UNC5C: variants seen among roughly 807,000 people sequenced by gnomAD.
UNC5C encodes unc-5 netrin receptor C, also known as netrin receptor UNC5C.
UNC5C carries 47 observed loss-of-function variants against 99.8 expected under a neutral mutation model. The observed-to-expected ratio is 0.47, with a 90% CI of 0.37 to 0.60. The LOEUF (loss-of-function observed/expected upper bound fraction) is 0.60. Among genes scored for constraint, UNC5C ranks in the 20% least tolerant of loss-of-function variants. The pLI is 0.00. For synonymous variants in UNC5C, 487 were observed against 452.2 expected (o/e 1.08, Z -0.98); for missense variants, 1,062 against 1,165.9 (o/e 0.91, Z 1.30).
At chr4:95,208,054 T>G (rs1398313453) in intron 10 of UNC5C, among the ~76,000 whole-genome samples, 1 of 152,152 alleles carries the variant, frequency 6.6e-6, no homozygotes, top group Admixed American at 6.5e-5. Context: ...TCTCCTCGGG[T>G]TTCTATCTTC....
At chr4:95,180,002 C>G (rs193226941) in intron 14 of UNC5C, among the ~76,000 whole-genome samples, 1 of 112,594 alleles carries the variant, frequency 8.9e-6, no homozygotes, top group Non-Finnish European at 2.1e-5. Context: ...CAATTGATGA[C>G]AGACCCCCCC....
At chr4:95,221,717 G>A (rs758726205) in intron 7 of UNC5C, among the ~76,000 whole-genome samples, 32 of 152,070 alleles carry the variant, frequency 2.1e-4, no homozygotes, top group Non-Finnish European at 4.0e-4. Flanking sequence ...ACAAATACTC[G>A]TGATTGGGTG....
rs944010977 is a variant in UNC5C at position 95,181,938 on chromosome 4, CAT to C, written c.2451+957_2451+958del. Among the ~76,000 whole-genome samples, 13 of 152,318 alleles carry C rather than the reference CAT, an allele frequency of 8.5e-5. No individual in the cohort carries two copies. The Middle Eastern group carries it at 0.01, about 120-fold the overall frequency. ...ACGAGGGAGAGGTAGTATTTTAAAT[CAT>C]ATACTGGCCCGCTGTCATTTTCACA... On this transcript the variant is annotated intron_variant, in intron 14 of 15. Coordinates refer to ENST00000453304, the MANE Select transcript of UNC5C (RefSeq NM_003728.4).
intron 7 of UNC5C, among the ~76,000 whole-genome samples, chr4:95,232,217 T>A (rs1197547788): frequency 6.6e-6 from 1 of 150,724 alleles, no homozygotes; most frequent in Non-Finnish European, 1.5e-5. Context: ...TATATAAGTG[T>A]TATATAAACT....
intron 7 of UNC5C, among the ~76,000 whole-genome samples, chr4:95,220,431 A>G (rs1453487876): frequency 6.6e-6 from 1 of 152,182 alleles, no homozygotes; most frequent in Non-Finnish European, 1.5e-5. Context: ...GTTTATTACT[A>G]GGCATATAAA....
chr4:95,314,127 A>C (rs1742382273), intron 2 of UNC5C, among the ~76,000 whole-genome samples: 1 of 152,218 alleles, frequency 6.6e-6, no homozygotes, highest in Non-Finnish European at 1.5e-5. Context: ...ATAAAGACTT[A>C]GGAGGGGAGA....
chr4:95,451,060 T>C (rs1461654478), intron 1 of UNC5C, among the ~76,000 whole-genome samples: 9 of 152,198 alleles, frequency 5.9e-5, no homozygotes, highest in African/African-American at 2.2e-4. Flanking sequence ...ATTTGTTTCA[T>C]AAAAATATGA....
chr4:95,389,012 G>A (rs10516969), intron 1 of UNC5C, among the ~76,000 whole-genome samples: 34,472 of 151,918 alleles, frequency 0.23, 4,569 homozygotes, highest in East Asian at 0.64. Flanking sequence ...TCTTTGCCAG[G>A]TACAGGAAAT....
chr4:95,318,368 G>A (rs543103768), intron 2 of UNC5C, among the ~76,000 whole-genome samples: 1 of 152,228 alleles, frequency 6.6e-6, no homozygotes, highest in Admixed American at 6.5e-5. Context: ...AGCTCCCCGA[G>A]GAGGGCAGCT....
chr4:95,183,712 G>A (rs908291385), intron 13 of UNC5C, among the ~76,000 whole-genome samples: 5 of 128,586 alleles, frequency 3.9e-5, no homozygotes, highest in African/African-American at 1.3e-4. Flanking sequence ...GGAAAGAAAA[G>A]GTTGCCACAT....
intron 1 of UNC5C, among the ~76,000 whole-genome samples, chr4:95,504,342 C>T (rs1721856620): frequency 6.6e-6 from 1 of 152,116 alleles, no homozygotes; most frequent in Non-Finnish European, 1.5e-5. Flanking sequence ...GCAAACAGCA[C>T]TTTTAGCATT....
chr4:95,363,191 G>GGA (rs1560804949), intron 1 of UNC5C, among the ~76,000 whole-genome samples: 1 of 151,882 alleles, frequency 6.6e-6, no homozygotes, highest in Non-Finnish European at 1.5e-5. Context: ...GTTTTTAGGG[G>GGA]GAGTCTCTGG....
intron 1 of UNC5C, among the ~76,000 whole-genome samples, chr4:95,500,013 A>G (rs1721738439): frequency 6.6e-6 from 1 of 152,074 alleles, no homozygotes; most frequent in South Asian, 2.1e-4. Flanking sequence ...ATACACCTTT[A>G]GTGTCTGACT....
intron 1 of UNC5C, among the ~76,000 whole-genome samples, chr4:95,343,849 C>T (rs987085929): frequency 2.0e-5 from 3 of 151,846 alleles, no homozygotes; most frequent in African/African-American, 7.3e-5. Flanking sequence ...GAAGAAAGAA[C>T]TAGTAAGCTT....
intron 1 of UNC5C, among the ~76,000 whole-genome samples, chr4:95,542,174 T>C (rs1222794066): frequency 1.3e-5 from 2 of 152,154 alleles, no homozygotes; most frequent in Non-Finnish European, 2.9e-5. Context: ...TCTGTTAATA[T>C]GATTATTGTG....
At chr4:95,440,525 G>A (rs1315342999) in intron 1 of UNC5C, among the ~76,000 whole-genome samples, 1 of 152,100 alleles carries the variant, frequency 6.6e-6, no homozygotes, top group Non-Finnish European at 1.5e-5. Context: ...TTTAATTAAA[G>A]TATGAGTAGA....
rs145646153 is a variant in UNC5C at position 95,520,812 on chromosome 4, A to G, written c.124+27922T>C. ...AGACGGGGTTTCACTGCATTAGCCA[A>G]GATGGTCTCGGTCTCCTGACCTCGT... On this transcript the variant is annotated intron_variant, in intron 1 of 15. Coordinates refer to ENST00000453304, the MANE Select transcript of UNC5C (RefSeq NM_003728.4). Among the ~76,000 whole-genome samples, 8 of 151,982 alleles carry G rather than the reference A, an allele frequency of 5.3e-5. No homozygotes were observed. The East Asian group carries it at 1.6e-3, about 30-fold the overall frequency.
rs1021235278 is a variant in UNC5C at position 95,164,375 on chromosome 4, C to A, written c.*4859G>T. On this transcript the variant is annotated 3_prime_UTR_variant, in exon 16 of 16. Coordinates refer to ENST00000453304, the MANE Select transcript of UNC5C (RefSeq NM_003728.4). Reference sequence around the variant, plus strand: ...AATTAGAGATGCAAAGGAAATCTTCCAAAGTGATCATTACAGCCAGAGATT... The same window carrying A: ...AATTAGAGATGCAAAGGAAATCTTCAAAAGTGATCATTACAGCCAGAGATT... 4 of 152,066 alleles carry A rather than the reference C, an allele frequency of 2.6e-5. No individual in the cohort carries two copies. The highest frequency in any genetic ancestry group is 7.2e-5 in the African/African-American group (3 of 41,388). The allele number at this position is 152,066 out of a possible 1,614,324, so 9.4% of individuals were successfully genotyped here.
intron 1 of UNC5C, among the ~76,000 whole-genome samples, chr4:95,534,348 G>T (rs1401656511): frequency 6.6e-6 from 1 of 152,088 alleles, no homozygotes; most frequent in African/African-American, 2.4e-5. Context: ...ATTGGGTTAT[G>T]TTCTTCCTAT....
Sources: allele counts gnomAD v4.1 joint callset (sites outside exome capture counted in the v4.1 genomes callset), GRCh38; gene constraint gnomAD v4.1.1; transcripts MANE v1.5; gene names NCBI Gene and HGNC (gene_info 2026-07-23, HGNC 2026-07-21).